LDHD: variants seen among roughly 807,000 people sequenced by gnomAD.
The protein encoded by LDHD is D-lactate dehydrogenase, mitochondrial.
LDHD carries 58 observed loss-of-function variants against 52.9 expected under a neutral mutation model. The ratio of observed to expected loss-of-function variants is 1.10; its 90% CI spans 0.89 to 1.36. The LOEUF (loss-of-function observed/expected upper bound fraction) is 1.36, where lower values mean the gene tolerates loss of function less well. LDHD is among the 40% of genes most tolerant of loss of function. LDHD has a pLI of 0.00. For missense variants in LDHD, 747 were observed against 668.0 expected (o/e 1.12, Z -1.30); for synonymous variants, 350 against 288.6 (o/e 1.21, Z -2.16).
Position 75,113,534 on chromosome 16 carries a change from C to T in LDHD, c.1086+1G>A. On this transcript the variant is annotated splice_donor_variant, in intron 8 of 10. Coordinates refer to ENST00000450168, the MANE Select transcript of LDHD (RefSeq NM_194436.3). LOFTEE classifies it high-confidence loss of function. ...CCATCTGTACCCCAGCCCCAGCTCA[C>T]CTTGCAGCCTGGCCGCGTGGCCAGG... The T allele has an allele frequency of 6.2e-7, 1 of 1,604,880 alleles. No individual in the cohort carries two copies. Among genetic ancestry groups the T allele is most frequent in the Non-Finnish European group, 8.5e-7 (1 of 1,176,184 alleles).
rs931478577 is a variant in LDHD at position 75,112,939 on chromosome 16, G to A, written c.1087-15C>T. On this transcript the variant is annotated splice_polypyrimidine_tract_variant and intron_variant, in intron 8 of 10. Coordinates refer to ENST00000450168, the MANE Select transcript of LDHD (RefSeq NM_194436.3). Reference sequence around the variant, plus strand: ...GTGGAGTAGCCCTGGTCAGAGGGAAGCCTATGAGTTACCCCTGCCTGATTG... The same window carrying A: ...GTGGAGTAGCCCTGGTCAGAGGGAAACCTATGAGTTACCCCTGCCTGATTG... 1.3e-6 allele frequency: 2 copies of A among 1,596,802 alleles called. No individual in the cohort carries two copies. The highest frequency in any genetic ancestry group is 1.7e-6 in the Non-Finnish European group (2 of 1,169,790).
Position 75,114,909 on chromosome 16 carries a change from G to A in LDHD, c.387C>T (p.Asp129=). 1 of 1,614,080 alleles carries A rather than the reference G, an allele frequency of 6.2e-7. No individual in the cohort carries two copies. Among genetic ancestry groups the A allele is most frequent in the Non-Finnish European group, 8.5e-7 (1 of 1,180,012 alleles). The change falls in exon 4 of 11, where the codon GAC becomes GAT. Residue 129 remains aspartate (D), a synonymous_variant. Transcript: ENST00000450168. Reference sequence around the variant, plus strand: ...CACCTGGCTCCACCACCACAGAGAAGTCCTCCTGGTTCAGCTCCAGGATTC... The same window carrying A: ...CACCTGGCTCCACCACCACAGAGAAATCCTCCTGGTTCAGCTCCAGGATTC... The part of the protein sequence containing the change: ...MDRILELNQE[D]FSVVVEPGVT...
Position 75,113,594 on chromosome 16 carries a change from G to T in LDHD, c.1027C>A (p.Leu343Ile), listed in dbSNP as rs369584446. The T allele has an allele frequency of 6.2e-7, 1 of 1,613,078 alleles. No homozygotes were observed. Among genetic ancestry groups the T allele is most frequent in the African/African-American group, 1.3e-5 (1 of 74,924 alleles). The change falls in exon 8 of 11, where the codon CTT (leucine) becomes ATT (isoleucine). Residue 343 changes from leucine to isoleucine, a missense_variant. Transcript: ENST00000450168. The part of the protein sequence containing the change: ...WAKEAEERSR[L>I]WTARHNAWYA... ...CAGGCATTGTGCCGTGCTGTCCAAA[G>T]CCGGCTGCGCTCCTCGGCCTCCTTG...
At position 75,115,583 on chromosome 16, in the gene LDHD, G is replaced by T. The variant is rs771434976; in HGVS notation, c.150C>A (p.Val50=). 4 of 1,612,950 alleles carry T rather than the reference G, an allele frequency of 2.5e-6. No homozygotes were observed. The South Asian group carries it at 4.4e-5, about 18-fold the overall frequency. Residue 50 remains valine, a synonymous_variant, in exon 2 of 11, where the codon GTC becomes GTA. Coordinates refer to ENST00000450168, the MANE Select transcript of LDHD (RefSeq NM_194436.3). ...GGSHVSTAAV[V]REQHGRDESV... ...ACTCATCGCGCCCGTGCTGCTCTCG[G>T]ACCACCGCGGCAGTGGACACGTGGG...
intron 3 of LDHD, 30 bp downstream of exon 3, chr16:75,115,168 C>T (rs1451015816): frequency 2.5e-6 from 4 of 1,599,766 alleles, no homozygotes; most frequent in Non-Finnish European, 3.4e-6. Flanking sequence ...TGGGACCATC[C>T]TCGGGCCGGG....
intron 1 of LDHD, 59 bp from the exon 2 acceptor site, chr16:75,115,719 G>C: frequency 2.7e-6 from 3 of 1,114,032 alleles, no homozygotes; most frequent in African/African-American, 1.6e-5. Flanking sequence ...CCACAGCCCT[G>C]CCCCAGTGTC....
rs775545735 is a variant in LDHD, at chr16:75,114,917, G to C, written c.379C>G (p.Gln127Glu). ...THMDRILELN[Q>E]EDFSVVVEPG... ...TCCACCACCACAGAGAAGTCCTCCT[G>C]GTTCAGCTCCAGGATTCGGTCCATA... The change falls in exon 4 of 11, where the codon CAG (glutamine) becomes GAG (glutamate). Residue 127 changes from glutamine to glutamate, a missense_variant. Transcript: ENST00000450168. 6.2e-7 allele frequency: 1 copy of C among 1,614,016 alleles called. No homozygotes were observed. The highest frequency in any genetic ancestry group is 1.1e-5 in the South Asian group (1 of 91,088).
At position 75,114,104 on chromosome 16, in the gene LDHD, G is replaced by T. The variant is rs754168460; in HGVS notation, c.691C>A (p.Leu231Ile). ...LFVGSEGTLG[L>I]ITATTLRLHP... ...AGGCGCAGGGTGGTGGCTGTGATGA[G>T]GCCCAGCGTCCCCTCGGAGCCCACG... Residue 231 changes from leucine (L) to isoleucine (I), a missense_variant, in exon 6 of 11, where the codon CTC becomes ATC. By Grantham distance (5) the Leu-to-Ile change is conservative (BLOSUM62 2). Coordinates refer to ENST00000450168, the MANE Select transcript of LDHD (RefSeq NM_194436.3). 5.0e-6 allele frequency: 8 copies of T among 1,612,358 alleles called. 1 individual carries two copies. The highest frequency in any genetic ancestry group is 1.6e-4 in the Middle Eastern group (1 of 6,062).
Position 75,114,982 on chromosome 16 carries a change from G to A in LDHD, c.328-14C>T. Reference sequence around the variant, plus strand: ...GCAGACGCCGCCCTGGTTGGGGCAGGTGCTAAGACCACTGCAGACCTGGGT... The same window carrying A: ...GCAGACGCCGCCCTGGTTGGGGCAGATGCTAAGACCACTGCAGACCTGGGT... On this transcript the variant is annotated splice_polypyrimidine_tract_variant and intron_variant, in intron 3 of 10. Transcript: ENST00000450168. 1 of 1,604,946 alleles carries A rather than the reference G, an allele frequency of 6.2e-7. No homozygotes were observed. The highest frequency in any genetic ancestry group is 1.1e-5 in the South Asian group (1 of 89,532).
In LDHD at chr16:75,115,184, G is replaced by A. The variant is rs1474620224; in HGVS notation, c.327+14C>T. On this transcript the variant is annotated intron_variant, in intron 3 of 10. Transcript: ENST00000450168. Reference sequence around the variant, plus strand: ...GGGACCATCCTCGGGCCGGGCGAGGGAGCCCCACTGTACCTGCACAGCACA... The same window carrying A: ...GGGACCATCCTCGGGCCGGGCGAGGAAGCCCCACTGTACCTGCACAGCACA... The A allele has an allele frequency of 6.2e-7, 1 of 1,608,520 alleles. No homozygotes were observed.
chr16:75,116,174 C>T (rs1363772073), intron 1 of LDHD, among the ~76,000 whole-genome samples: 1 of 152,206 alleles, frequency 6.6e-6, no homozygotes, highest in Admixed American at 6.5e-5. Context: ...CAAGCACCAC[C>T]CCAGCCACAG....
In LDHD at chr16:75,114,567, G is replaced by T. The variant is rs373185723; in HGVS notation, c.588C>A (p.Asp196Glu). Residue 196 changes from aspartate to glutamate, a missense_variant, in exon 5 of 11, where the codon GAC becomes GAA. Coordinates refer to ENST00000450168, the MANE Select transcript of LDHD (RefSeq NM_194436.3). Reference sequence around the variant, plus strand: ...GGCCCGCCGTGTGCAGCAGCCGCCCGTCGGGCAGCACCACCTCCAGGTTGA... The same window carrying T: ...GGCCCGCCGTGTGCAGCAGCCGCCCTTCGGGCAGCACCACCTCCAGGTTGA... ...NVLNLEVVLP[D>E]GRLLHTAGRG... is the part of the protein sequence containing the mutation. 1 of 1,531,400 alleles carries T rather than the reference G, an allele frequency of 6.5e-7. No individual in the cohort carries two copies. Among genetic ancestry groups the T allele is most frequent in the Non-Finnish European group, 8.7e-7 (1 of 1,143,914 alleles). 94.9% of individuals were successfully genotyped at this position (1,531,400 alleles called of 1,614,324 possible). A position where few individuals can be genotyped will look rare whatever the true frequency, so the allele number is the denominator to read the frequency against.
At chr16:75,113,106 T>C (rs573820215) in intron 8 of LDHD, among the ~76,000 whole-genome samples, 182 bp from the exon 9 acceptor site, 32 of 152,070 alleles carry the variant, frequency 2.1e-4, no homozygotes, top group African/African-American at 7.5e-4. Context: ...AGGAGACCAA[T>C]GGCCCAGGTG....
At position 75,114,548 on chromosome 16, in the gene LDHD, C is replaced by CCGTGTGCAGCAGCCGCCCGT. The variant is rs2036493439; in HGVS notation, c.587_606dup (p.Ala203ThrfsTer78). 4 of 1,529,334 alleles carry CCGTGTGCAGCAGCCGCCCGT rather than the reference C, an allele frequency of 2.6e-6. No individual in the cohort carries two copies. The African/African-American group carries it at 5.5e-5, about 21-fold the overall frequency. 94.7% of individuals were successfully genotyped at this position (1,529,334 alleles called of 1,614,324 possible). Reference sequence around the variant, plus strand: ...CACCGGAAATGCCGGCCTCGGCCCGCCGTGTGCAGCAGCCGCCCGTCGGGC... The same window carrying CCGTGTGCAGCAGCCGCCCGT: ...CACCGGAAATGCCGGCCTCGGCCCGCCGTGTGCAGCAGCCGCCCGTCGTGTGCAGCAGCCGCCCGTCGGGC... On this transcript the variant is annotated frameshift_variant, in exon 5 of 11. Transcript: ENST00000450168. LOFTEE classifies it high-confidence loss of function.
intron 5 of LDHD, 84 bp downstream of exon 5, chr16:75,114,442 T>C: frequency 7.1e-7 from 1 of 1,400,252 alleles, no homozygotes; most frequent in South Asian, 1.5e-5. Context: ...CGCCAGGAGG[T>C]GCTTTTCACA....
chr16:75,116,555 G>C, intron 1 of LDHD, 94 bp downstream of exon 1: 1 of 1,037,264 alleles, frequency 9.6e-7, no homozygotes. Context: ...CTTGGTGCTG[G>C]GGCGTCACAG....
rs1205882871 is a variant in LDHD at position 75,114,881 on chromosome 16, T to A, written c.415A>T (p.Thr139Ser). The A allele has an allele frequency of 6.2e-7, 1 of 1,613,816 alleles. No homozygotes were observed. The highest frequency in any genetic ancestry group is 2.2e-5 in the East Asian group (1 of 44,880). ...AGGTGGGCGTTGAGGGCTTTGCGGGTGACACCTGGCTCCACCACCACAGAG... is the reference window on the plus strand; with the variant it reads ...AGGTGGGCGTTGAGGGCTTTGCGGGAGACACCTGGCTCCACCACCACAGAG... ...DFSVVVEPGV[T>S]RKALNAHLRD... is the part of the protein sequence containing the mutation. Residue 139 changes from threonine to serine, a missense_variant, in exon 4 of 11, where the codon ACC (threonine) becomes TCC (serine). By Grantham distance (58) the Thr-to-Ser change is moderately conservative. Coordinates refer to ENST00000450168, the MANE Select transcript of LDHD (RefSeq NM_194436.3).
Position 75,112,491 on chromosome 16 carries a change from C to T in LDHD, c.1320G>A (p.Thr440=), listed in dbSNP as rs370179276. 2.5e-5 allele frequency: 40 copies of T among 1,613,294 alleles called. No individual in the cohort carries two copies. Among genetic ancestry groups the T allele is most frequent in the African/African-American group, 1.9e-4 (14 of 74,950 alleles). ...RRALALHGTC[T]GEHGIGMGKR... is the part of the protein sequence containing the mutation. The stretch of plus-strand genomic sequence containing the variant: ...TGCCCATTCCGATGCCATGCTCCCC[C>T]GTGCACGTTCCGTGGAGAGCCAGTG... The change falls in exon 11 of 11, where the codon ACG becomes ACA. Residue 440 remains threonine, a synonymous_variant. Coordinates refer to ENST00000450168, the MANE Select transcript of LDHD (RefSeq NM_194436.3).
intron 8 of LDHD, 82 bp downstream of exon 8, chr16:75,113,453 C>T (rs2036454446): frequency 1.4e-6 from 2 of 1,479,862 alleles, no homozygotes; most frequent in African/African-American, 2.8e-5. Context: ...CAGCCTGCTG[C>T]TCTGTGCAGT....
Sources: allele counts gnomAD v4.1 joint callset (sites outside exome capture counted in the v4.1 genomes callset), GRCh38; gene constraint gnomAD v4.1.1; transcripts MANE v1.5; gene names NCBI Gene and HGNC (gene_info 2026-07-23, HGNC 2026-07-21).